Variants in AGBL4 observed in about 807,000 individuals in gnomAD.
AGBL4 encodes the protein cytosolic carboxypeptidase 6.
AGBL4 carries 58 observed loss-of-function variants against 66.4 expected under a neutral mutation model. The ratio of observed to expected loss-of-function variants is 0.87; its 90% confidence interval spans 0.71 to 1.09. AGBL4 has a LOEUF of 1.09. Among genes scored for constraint, AGBL4 ranks in the 50% least tolerant of loss-of-function variants. The pLI is 0.00. For synonymous variants in AGBL4, 234 were observed against 222.9 expected, an observed-to-expected ratio of 1.05 and a Z score of -0.44; for missense variants, 579 against 631.0, an observed-to-expected ratio of 0.92 and a Z score of 0.88.
At chr1:49,778,648 A>G (rs1204079097) in intron 2 of AGBL4, among the ~76,000 whole-genome samples, 2 of 152,198 alleles carry the variant, frequency 1.3e-5, no homozygotes, top group Non-Finnish European at 2.9e-5. Flanking sequence ...GATAAGGGAA[A>G]GCCTCAAAGA....
rs573248479 is a variant in AGBL4, at chr1:48,902,546, AG to A, written c.595-35317del. On this transcript the variant is annotated intron_variant, in intron 5 of 13. Transcript: ENST00000371839. ...GAGAGGAGTGCAGTGGTGACGAGTG[AG>A]GGCTAAAGGATGAAATCTAGATTTT... Among the ~76,000 whole-genome samples the A allele has an allele frequency of 3.9e-5, 6 of 152,272 alleles. No individual in the cohort carries two copies. In the South Asian group the frequency reaches 1.2e-3, roughly 32 times the overall value.
chr1:49,948,284 A>T (rs1373570988), intron 1 of AGBL4, among the ~76,000 whole-genome samples: 1 of 109,826 alleles, frequency 9.1e-6, no homozygotes, highest in Non-Finnish European at 1.6e-5. Context: ...ATAAATATAT[A>T]TAAATATATA....
chr1:48,586,021 C>T (rs1448700781), intron 11 of AGBL4: 1 of 152,182 alleles, frequency 6.6e-6, no homozygotes, highest in East Asian at 1.9e-4. Context: ...TTCCTTCCTC[C>T]TCCCTCCACT....
At chr1:49,754,218 T>C (rs1651702542) in intron 2 of AGBL4, among the ~76,000 whole-genome samples, 1 of 152,126 alleles carries the variant, frequency 6.6e-6, no homozygotes, top group African/African-American at 2.4e-5. Context: ...TATCTACCTT[T>C]GGTCTTTGAT....
At chr1:49,735,670 A>G (rs1205002830) in intron 2 of AGBL4, among the ~76,000 whole-genome samples, 1 of 152,098 alleles carries the variant, frequency 6.6e-6, no homozygotes. Flanking sequence ...GAGCTACACA[A>G]TATTAAAAAG....
At chr1:49,850,517 T>C (rs147713118) in intron 2 of AGBL4, among the ~76,000 whole-genome samples, 1 of 152,256 alleles carries the variant, frequency 6.6e-6, no homozygotes, top group East Asian at 1.9e-4. Context: ...TTAACCCACT[T>C]CGTAGTACTT....
rs1369607795 is a variant in AGBL4 at position 50,023,929 on chromosome 1, G to A, written c.-133C>T. 2.8e-6 allele frequency: 3 copies of A among 1,059,084 alleles called. No individual in the cohort carries two copies. Among genetic ancestry groups the A allele is most frequent in the Admixed American group, 3.5e-5 (1 of 28,246 alleles). 65.6% of individuals were successfully genotyped at this position (1,059,084 alleles called of 1,614,324 possible). On this transcript the variant is annotated 5_prime_UTR_variant, in exon 1 of 14. Transcript: ENST00000371839. ...ACGGTTGCCTGGGCAACGGGCGGCA[G>A]GCGCGCGGGTGGCCGGCGCGCGGCT...
At chr1:49,109,483 C>G (rs1339061502) in intron 4 of AGBL4, among the ~76,000 whole-genome samples, 1 of 152,188 alleles carries the variant, frequency 6.6e-6, no homozygotes, top group Non-Finnish European at 1.5e-5. Context: ...CTCTCACCTT[C>G]TCCGTCCTTC....
intron 9 of AGBL4, among the ~76,000 whole-genome samples, chr1:48,627,596 A>G (rs921113278): frequency 6.6e-6 from 1 of 152,050 alleles, no homozygotes; most frequent in Non-Finnish European, 1.5e-5. Flanking sequence ...AAAAGAAAAA[A>G]AAAAAGCCAG....
At chr1:49,539,176 T>C (rs1651823724) in intron 3 of AGBL4, among the ~76,000 whole-genome samples, 2 of 152,168 alleles carry the variant, frequency 1.3e-5, no homozygotes, top group Non-Finnish European at 2.9e-5. Context: ...TATAAAAATA[T>C]ACAGTATAAT....
intron 4 of AGBL4, among the ~76,000 whole-genome samples, chr1:49,076,745 T>C (rs550150880): frequency 1.3e-5 from 2 of 152,266 alleles, no homozygotes; most frequent in South Asian, 4.1e-4. Context: ...AGTACACAAA[T>C]ACCTAAATTG....
At chr1:49,240,586 G>T (rs1570178423) in intron 4 of AGBL4, among the ~76,000 whole-genome samples, 1 of 137,196 alleles carries the variant, frequency 7.3e-6, no homozygotes, top group East Asian at 2.1e-4. Context: ...TCTGTGGCTA[G>T]TCCCTCTCAT....
intron 9 of AGBL4, among the ~76,000 whole-genome samples, chr1:48,622,901 A>G (rs1480278363): frequency 3.3e-5 from 5 of 152,196 alleles, no homozygotes; most frequent in Admixed American, 6.5e-5. Flanking sequence ...AACTCCTTAC[A>G]AACAAGGACA....
At chr1:48,848,791 CAGTT>C (rs1007656417) in intron 6 of AGBL4, among the ~76,000 whole-genome samples, 3 of 152,126 alleles carry the variant, frequency 2.0e-5, no homozygotes. Flanking sequence ...CTGAAAAGGT[CAGTT>C]AGTTAGAAAT....
chr1:48,534,245 G>A lies in AGBL4; in HGVS notation c.1440C>T (p.Ala480=). 1 of 1,551,764 alleles carries A rather than the reference G, an allele frequency of 6.4e-7. No homozygotes were observed. The highest frequency in any genetic ancestry group is 1.7e-4 in the Middle Eastern group (1 of 5,986). Residue 480 remains alanine, a synonymous_variant, in exon 14 of 14, where the codon GCC becomes GCT. Transcript: ENST00000371839. The part of the protein sequence containing the change: ...PYKHPLLRGP[A]SNYPNSKGDK... Reference sequence around the variant, plus strand: ...CCCCTTTGCTGTTGGGGTAGTTGCTGGCTGGGCCCCGCAGGAGTGGGTGCT... The same window carrying A: ...CCCCTTTGCTGTTGGGGTAGTTGCTAGCTGGGCCCCGCAGGAGTGGGTGCT...
At chr1:49,945,021 C>A (rs1034140202) in intron 1 of AGBL4, among the ~76,000 whole-genome samples, 1 of 151,742 alleles carries the variant, frequency 6.6e-6, no homozygotes, top group Non-Finnish European at 1.5e-5. Context: ...GGCAAAGAAA[C>A]AAGAATAAGA....
At chr1:49,825,822 C>A (rs1459657074) in intron 2 of AGBL4, among the ~76,000 whole-genome samples, 1 of 151,794 alleles carries the variant, frequency 6.6e-6, no homozygotes, top group Non-Finnish European at 1.5e-5. Context: ...AACATGTGAG[C>A]CAATTCCTTA....
At chr1:48,583,665 C>T (rs1056024317) in intron 11 of AGBL4, among the ~76,000 whole-genome samples, 6 of 152,154 alleles carry the variant, frequency 3.9e-5, no homozygotes, top group African/African-American at 1.2e-4. Flanking sequence ...GGTGCTCTCA[C>T]GGATGATGTT....
chr1:49,657,092 G>A (rs932937960), intron 3 of AGBL4, among the ~76,000 whole-genome samples: 14 of 152,284 alleles, frequency 9.2e-5, no homozygotes, highest in Admixed American at 2.6e-4. Context: ...TGACATGATT[G>A]TATATCTAGA....
Sources: gnomAD v4.1 joint callset for allele counts (sites outside exome capture counted in the v4.1 genomes callset) on GRCh38, gnomAD v4.1.1 for gene constraint, MANE v1.5 for transcripts, NCBI Gene and HGNC (gene_info 2026-07-23, HGNC 2026-07-21) for gene names.